Variants in ADCY10 observed in about 807,000 individuals in gnomAD.
ADCY10 encodes the protein adenylate cyclase 10, also known as adenylate cyclase type 10.
ADCY10 carries 156 observed loss-of-function variants against 183.3 expected under a neutral mutation model. The ratio of observed to expected loss-of-function variants is 0.85; its 90% CI spans 0.75 to 0.97. ADCY10 has a LOEUF of 0.97. Among genes scored for constraint, ADCY10 ranks in the 50% least tolerant of loss-of-function variants. The pLI is 0.00. For missense variants in ADCY10, 1,745 were observed against 1,934.3 expected (o/e 0.90, Z 1.84); for synonymous variants, 645 against 670.0 (o/e 0.96, Z 0.58).
chr1:167,898,185 A>G (rs544101436), intron 6 of ADCY10, among the ~76,000 whole-genome samples: 1 of 151,828 alleles, frequency 6.6e-6, no homozygotes, highest in Non-Finnish European at 1.5e-5. Context: ...TCTTGTTATG[A>G]AAGATGTTAA....
At chr1:167,824,927 T>G in intron 26 of ADCY10, 72 bp from the exon 27 acceptor site, 1 of 1,368,954 alleles carries the variant, frequency 7.3e-7, no homozygotes, top group Non-Finnish European at 1.0e-6. Context: ...ACTCAATGTC[T>G]GCCAGTAAAT....
chr1:167,893,695 C>CAAAAAA (rs748872658), intron 8 of ADCY10, among the ~76,000 whole-genome samples, 158 bp downstream of exon 8: 1 of 70,190 alleles, frequency 1.4e-5, no homozygotes, highest in African/African-American at 5.0e-5. Flanking sequence ...GACTCTGTCT[C>CAAAAAA]AAAAAAAAAA....
At chr1:167,854,250 A>T in intron 18 of ADCY10, 103 bp downstream of exon 18, 1 of 1,418,614 alleles carries the variant, frequency 7.0e-7, no homozygotes, top group Non-Finnish European at 1.0e-6. Context: ...TTCTGACTCT[A>T]CAGGAAGCAG....
In ADCY10 at chr1:167,901,442, TG is replaced by T. The variant is rs879412624; in HGVS notation, c.436+219del. Among the ~76,000 whole-genome samples the T allele has an allele frequency of 2.0e-5, 3 of 152,320 alleles. No homozygotes were observed. In the East Asian group the frequency reaches 5.8e-4, roughly 29 times the overall value. Reference sequence around the variant, plus strand: ...CTACCATACCAACTAATTTACTTTTTGTAATAGCTTATTAGGTAGATATTAT... The same window carrying T: ...CTACCATACCAACTAATTTACTTTTTTAATAGCTTATTAGGTAGATATTAT... On this transcript the variant is annotated intron_variant, in intron 5 of 32. Coordinates refer to ENST00000367851, the MANE Select transcript of ADCY10 (RefSeq NM_018417.6).
At chr1:167,903,859 C>T (rs1406928086) in intron 3 of ADCY10, 28 bp downstream of exon 3, 2 of 1,524,194 alleles carry the variant, frequency 1.3e-6, no homozygotes, top group Non-Finnish European at 1.8e-6. Context: ...GAAATATTCT[C>T]AAGCCAGAAA....
At chr1:167,910,294 G>A (rs1670070108) in intron 1 of ADCY10, among the ~76,000 whole-genome samples, 1 of 152,208 alleles carries the variant, frequency 6.6e-6, no homozygotes, top group Non-Finnish European at 1.5e-5. Context: ...ACATAAAAGT[G>A]TTCAAATCTA....
intron 31 of ADCY10, among the ~76,000 whole-genome samples, chr1:167,817,306 A>G (rs1662591742): frequency 6.6e-6 from 1 of 152,226 alleles, no homozygotes; most frequent in Non-Finnish European, 1.5e-5. Context: ...CGGAGGTTGC[A>G]GTGAGTCGAG....
intron 24 of ADCY10, 111 bp downstream of exon 24, chr1:167,833,859 T>C: frequency 1.2e-6 from 1 of 853,064 alleles, no homozygotes; most frequent in Non-Finnish European, 1.9e-6. Flanking sequence ...TGGCTAGAAG[T>C]CTGTGGCAAG....
chr1:167,881,973 T>TCAATA (rs1169554699), intron 9 of ADCY10, among the ~76,000 whole-genome samples: 6 of 152,222 alleles, frequency 3.9e-5, no homozygotes, highest in African/African-American at 1.4e-4. Flanking sequence ...CCTGGTTGTG[T>TCAATA]CAATATATGT....
rs746440742 is a variant in ADCY10 at position 167,901,660 on chromosome 1, A to C, written c.436+2T>G. ...AGGATTTATTCCTTCTCAAATGCTT[A>C]CCTATCTTGACTCGGATGTCTAGGC... On this transcript the variant is annotated splice_donor_variant, in intron 5 of 32. Transcript: ENST00000367851. LOFTEE classifies it high-confidence loss of function. The C allele has an allele frequency of 6.2e-6, 10 of 1,613,998 alleles. 1 individual carries two copies. The South Asian group carries it at 1.1e-4, about 18-fold the overall frequency.
chr1:167,839,645 C>T (rs1180976123), intron 21 of ADCY10, among the ~76,000 whole-genome samples: 2 of 152,020 alleles, frequency 1.3e-5, no homozygotes, highest in African/African-American at 4.8e-5. Context: ...CTACAAGGCC[C>T]CTTGAAGATT....
chr1:167,830,624 C>G (rs1023261247), intron 25 of ADCY10, among the ~76,000 whole-genome samples: 1 of 152,156 alleles, frequency 6.6e-6, no homozygotes, highest in African/African-American at 2.4e-5. Context: ...GAACCCCTGA[C>G]CTCAGGTGAT....
intron 1 of ADCY10, among the ~76,000 whole-genome samples, chr1:167,908,504 A>T (rs1012956916): frequency 6.6e-6 from 1 of 152,196 alleles, no homozygotes; most frequent in Non-Finnish European, 1.5e-5. Context: ...GAATACAGTT[A>T]ATAAAGTATT....
At chr1:167,876,344 C>T (rs773592506) in intron 12 of ADCY10, among the ~76,000 whole-genome samples, 8 of 152,082 alleles carry the variant, frequency 5.3e-5, no homozygotes, top group Admixed American at 1.3e-4. Flanking sequence ...CCCAAGACCC[C>T]ATAGCAGGTG....
chr1:167,824,286 G>C (rs1283639428), intron 28 of ADCY10, among the ~76,000 whole-genome samples, 190 bp downstream of exon 28: 1 of 152,128 alleles, frequency 6.6e-6, no homozygotes, highest in Non-Finnish European at 1.5e-5. Context: ...TTGCACTACT[G>C]CACTCCAGCC....
intron 14 of ADCY10, among the ~76,000 whole-genome samples, chr1:167,868,610 A>C (rs1666865583): frequency 7.2e-6 from 1 of 139,590 alleles, no homozygotes; most frequent in Non-Finnish European, 1.5e-5. Flanking sequence ...AACCTACGCT[A>C]AGCTGCCTGA....
At chr1:167,811,800 G>T (rs575384606) in intron 31 of ADCY10, among the ~76,000 whole-genome samples, 1 of 152,146 alleles carries the variant, frequency 6.6e-6, no homozygotes, top group Admixed American at 6.5e-5. Context: ...AGACTGGACC[G>T]GTCTGGGAGT....
At position 167,824,421 on chromosome 1, in the gene ADCY10, A is replaced by G. The variant is rs186058332; in HGVS notation, c.4052+55T>C. On this transcript the variant is annotated intron_variant, in intron 28 of 32. Transcript: ENST00000367851. ...ACTAGGCTAAAGTTGAACCCAGAAT[A>G]CTCAATAATACGGCCTCCTCCCCCT... The G allele has an allele frequency of 2.1e-6, 3 of 1,450,098 alleles. No individual in the cohort carries two copies. In the East Asian group the frequency reaches 6.8e-5, roughly 33 times the overall value. 89.8% of individuals were successfully genotyped at this position (1,450,098 alleles called of 1,614,324 possible).
chr1:167,845,461 T>A, intron 21 of ADCY10, 102 bp downstream of exon 21: 1 of 1,253,950 alleles, frequency 8.0e-7, no homozygotes, highest in Non-Finnish European at 1.1e-6. Flanking sequence ...CCAAGCCGCT[T>A]ATGAGACTTG....
Sources: allele counts gnomAD v4.1 joint callset (sites outside exome capture counted in the v4.1 genomes callset), GRCh38; gene constraint gnomAD v4.1.1; transcripts MANE v1.5; gene names NCBI Gene and HGNC (gene_info 2026-07-23, HGNC 2026-07-21).